HDAC4: variants seen among roughly 807,000 people sequenced by gnomAD.
The protein encoded by HDAC4 is histone deacetylase A.
Under a neutral mutation model 135.1 loss-of-function variants are expected in HDAC4, and 16 were observed. The observed-to-expected ratio is 0.12, with a 90% confidence interval of 0.08 to 0.18. The LOEUF is 0.18. Among genes scored for constraint, HDAC4 ranks in the 10% least tolerant of loss-of-function variants. The pLI is 1.00. For missense variants in HDAC4, 1,143 were observed against 1,511.8 expected (o/e 0.76, Z 4.05); for synonymous variants, 685 against 653.4 (o/e 1.05, Z -0.74).
intron 1 of HDAC4, among the ~76,000 whole-genome samples, chr2:239,395,829 T>G (rs1424142371): frequency 1.3e-5 from 2 of 152,362 alleles, no homozygotes; most frequent in Admixed American, 1.3e-4. Context: ...CGTCTGGATA[T>G]CTACACACTT....
chr2:239,290,550 C>T (rs1463525855), intron 2 of HDAC4, among the ~76,000 whole-genome samples: 1 of 152,070 alleles, frequency 6.6e-6, no homozygotes, highest in Non-Finnish European at 1.5e-5. Flanking sequence ...AAAAATCAAA[C>T]AGGCAGGGCA....
At chr2:239,254,041 C>CT (rs2048927097) in intron 2 of HDAC4, among the ~76,000 whole-genome samples, 1 of 152,182 alleles carries the variant, frequency 6.6e-6, no homozygotes, top group African/African-American at 2.4e-5. Context: ...CAGTGAGAAT[C>CT]TAAGACCCTA....
intron 2 of HDAC4, among the ~76,000 whole-genome samples, chr2:239,321,417 A>G (rs1297077328): frequency 2.9e-5 from 4 of 139,206 alleles, no homozygotes; most frequent in East Asian, 2.4e-4. Context: ...GCGAGCCGAG[A>G]TAGCGCCACT....
chr2:239,296,386 G>A (rs993618446), intron 2 of HDAC4, among the ~76,000 whole-genome samples: 4 of 152,320 alleles, frequency 2.6e-5, no homozygotes, highest in Admixed American at 1.3e-4. Context: ...GTCCTGCAGC[G>A]CCCTGGCCCA....
At chr2:239,095,509 G>A (rs1055680970) in intron 16 of HDAC4, among the ~76,000 whole-genome samples, 1 of 152,256 alleles carries the variant, frequency 6.6e-6, no homozygotes, top group South Asian at 2.1e-4. Context: ...GGCAAGTCCC[G>A]GGATTAAACA....
At chr2:239,234,423 C>A (rs921522146) in intron 3 of HDAC4, among the ~76,000 whole-genome samples, 2 of 152,108 alleles carry the variant, frequency 1.3e-5, no homozygotes, top group Non-Finnish European at 2.9e-5. Flanking sequence ...TTCTCAAGTC[C>A]GGCGGCTCAC....
At chr2:239,092,708 G>C (rs2036628305) in intron 17 of HDAC4, among the ~76,000 whole-genome samples, 1 of 152,108 alleles carries the variant, frequency 6.6e-6, no homozygotes, top group East Asian at 1.9e-4. Flanking sequence ...AGCTCCCAGG[G>C]ACCAGCCTGG....
intron 5 of HDAC4, 110 bp from the exon 6 acceptor site, chr2:239,164,033 C>A (rs2042981201): frequency 7.4e-7 from 1 of 1,345,410 alleles, no homozygotes. Context: ...GGCTATGCAC[C>A]TTCAGGACGC....
chr2:239,147,381 C>T (rs2041835407), intron 7 of HDAC4, among the ~76,000 whole-genome samples: 2 of 152,272 alleles, frequency 1.3e-5, no homozygotes, highest in South Asian at 2.1e-4. Context: ...CAATATCAGC[C>T]CTTCAAATGC....
At position 239,120,455 on chromosome 2, in the gene HDAC4, A is replaced by G. The variant is rs568960475; in HGVS notation, c.1534-5145T>C. 2.4e-4 allele frequency among the ~76,000 whole-genome samples: 36 copies of G among 152,122 alleles called. No individual in the cohort carries two copies. In the East Asian group the frequency reaches 6.8e-3, roughly 29 times the overall value. On this transcript the variant is annotated intron_variant, in intron 12 of 26. Transcript: ENST00000543185. ...CACAAATAGACAGACATGCAGATAC[A>G]TATACACATGAAGAGACAGATACAC... is the stretch of plus-strand genomic sequence containing the variant.
At chr2:239,097,944 A>T (rs1399438635) in intron 16 of HDAC4, among the ~76,000 whole-genome samples, 1 of 152,202 alleles carries the variant, frequency 6.6e-6, no homozygotes, top group African/African-American at 2.4e-5. Flanking sequence ...ACTGCCAGAA[A>T]CTAGGGAGCT....
At chr2:239,346,663 TAC>T (rs760991204) in intron 2 of HDAC4, among the ~76,000 whole-genome samples, 45 of 144,666 alleles carry the variant, frequency 3.1e-4, no homozygotes, top group African/African-American at 7.3e-4. Flanking sequence ...CATATCTTAA[TAC>T]AGTCTAAAAC....
At chr2:239,097,147 G>A (rs769436433) in intron 16 of HDAC4, among the ~76,000 whole-genome samples, 24 of 152,350 alleles carry the variant, frequency 1.6e-4, no homozygotes, top group Admixed American at 6.5e-4. Flanking sequence ...AGCCTGTGTC[G>A]GAGGGAGCCC....
chr2:239,084,148 T>C lies in HDAC4; in HGVS notation c.2532+7A>G, dbSNP rs762408087. On this transcript the variant is annotated splice_region_variant and intron_variant, in intron 20 of 26. Coordinates refer to ENST00000543185, the MANE Select transcript of HDAC4 (RefSeq NM_001378414.1). ...TGAGCTGCGCTGGCCAAGGCGGCTC[T>C]GCTTACCCAGTCCACGATGAGGATC... 1 of 1,610,206 alleles carries C rather than the reference T, an allele frequency of 6.2e-7. No homozygotes were observed. Among genetic ancestry groups the C allele is most frequent in the Non-Finnish European group, 8.5e-7 (1 of 1,177,122 alleles).
rs970701740 is a variant in HDAC4, at chr2:239,214,499, T to C, written c.94+22094A>G. On this transcript the variant is annotated intron_variant, in intron 3 of 26. Transcript: ENST00000543185. ...GATTAGCTGAGGGACATTTCGGGGG[T>C]TCCATTATTCTGTCAACCGCACTCT... Among the ~76,000 whole-genome samples, 5 of 152,044 alleles carry C rather than the reference T, an allele frequency of 3.3e-5. No individual in the cohort carries two copies. In the South Asian group the frequency reaches 1.0e-3, roughly 32 times the overall value.
intron 11 of HDAC4, among the ~76,000 whole-genome samples, chr2:239,131,751 CAAT>C (rs1230259103): frequency 6.6e-6 from 1 of 152,220 alleles, no homozygotes; most frequent in African/African-American, 2.4e-5. Flanking sequence ...CCTTCTGTGA[CAAT>C]GAGAACATTC....
intron 1 of HDAC4, among the ~76,000 whole-genome samples, chr2:239,355,737 A>C (rs1024516403): frequency 6.6e-6 from 1 of 152,190 alleles, no homozygotes; most frequent in African/African-American, 2.4e-5. Flanking sequence ...AATAGGAATA[A>C]GCTCTAGTCC....
At chr2:239,057,204 A>G (rs1313367558) in intron 24 of HDAC4, among the ~76,000 whole-genome samples, 2 of 152,214 alleles carry the variant, frequency 1.3e-5, no homozygotes, top group Non-Finnish European at 2.9e-5. Flanking sequence ...CGATCTCTAC[A>G]ATGTTTCTGT....
In HDAC4 at chr2:239,108,109, C is replaced by T. The variant is rs376894517; in HGVS notation, c.2053G>A (p.Gly685Arg). 6.2e-7 allele frequency: 1 copy of T among 1,610,214 alleles called. No individual in the cohort carries two copies. The highest frequency in any genetic ancestry group is 8.5e-7 in the Non-Finnish European group (1 of 1,179,588). The change falls in exon 15 of 27, where the codon GGG becomes AGG. Residue 685 changes from glycine to arginine, a missense_variant. Around this residue, in one of 9 missense-constraint regions of HDAC4, gnomAD observed 47 missense variants for 117.2 expected, o/e 0.40. Coordinates refer to ENST00000543185, the MANE Select transcript of HDAC4 (RefSeq NM_001378414.1). Reference protein sequence around the residue: ...GSSSSHPEHAGRIQSIWSRLQ... With the variant: ...GSSSSHPEHARRIQSIWSRLQ... ...CGGGACCAGATGCTCTGGATCCTCC[C>T]GGCGTGCTCGGGGTGGCTGCTGCTA...
Sources: gnomAD v4.1 joint callset for allele counts (sites outside exome capture counted in the v4.1 genomes callset) on GRCh38, gnomAD v4.1.1 for gene constraint, gnomAD v4.1.1 regional missense constraint, MANE v1.5 for transcripts, NCBI Gene and HGNC (gene_info 2026-07-23, HGNC 2026-07-21) for gene names.